PTPRD: variants seen among roughly 807,000 people sequenced by gnomAD.
The protein encoded by PTPRD is protein tyrosine phosphatase receptor type D.
In PTPRD, 34 loss-of-function variants were observed where a neutral mutation model predicts 214.5. The ratio of observed to expected loss-of-function variants is 0.16; its 90% CI spans 0.12 to 0.21. PTPRD has a LOEUF of 0.21. Among genes scored for constraint, PTPRD ranks in the 10% least tolerant of loss-of-function variants. PTPRD has a pLI of 1.00. For missense variants in PTPRD, 2,545 were observed against 2,398.7 expected (o/e 1.06, Z -1.27); for synonymous variants, 1,128 against 845.7 (o/e 1.33, Z -5.79).
At chr9:9,581,668 T>C (rs990689441) in intron 7 of PTPRD, among the ~76,000 whole-genome samples, 1 of 152,016 alleles carries the variant, frequency 6.6e-6, no homozygotes, top group Non-Finnish European at 1.5e-5. Context: ...GGTGTTAGAG[T>C]TTACCTTATC....
chr9:8,849,856 T>A (rs1465839006), intron 11 of PTPRD, among the ~76,000 whole-genome samples: 2 of 152,078 alleles, frequency 1.3e-5, no homozygotes, highest in Non-Finnish European at 2.9e-5. Context: ...TTGAGCAAGT[T>A]TGCCTTTCAT....
At chr9:9,085,857 T>C (rs1008354251) in intron 10 of PTPRD, among the ~76,000 whole-genome samples, 2 of 152,162 alleles carry the variant, frequency 1.3e-5, no homozygotes, top group Non-Finnish European at 1.5e-5. Flanking sequence ...TCTAGAGAAG[T>C]CTTCCGCTCA....
intron 11 of PTPRD, among the ~76,000 whole-genome samples, chr9:8,908,091 C>T (rs879378664): frequency 6.6e-6 from 1 of 152,072 alleles, no homozygotes. Context: ...AGCAGCAGCA[C>T]AATTAATAGC....
intron 10 of PTPRD, among the ~76,000 whole-genome samples, chr9:9,083,222 G>C (rs1256396571): frequency 6.6e-6 from 1 of 152,096 alleles, no homozygotes; most frequent in Non-Finnish European, 1.5e-5. Flanking sequence ...CAATGGAACA[G>C]AACCCAGGCC....
At chr9:8,685,355 T>TG in intron 12 of PTPRD, among the ~76,000 whole-genome samples, 1 of 151,902 alleles carries the variant, frequency 6.6e-6, no homozygotes. Context: ...GTCAGAATTT[T>TG]GGGGAAAAAA....
At chr9:8,535,412 C>A (rs553485228) in intron 14 of PTPRD, among the ~76,000 whole-genome samples, 41 of 152,002 alleles carry the variant, frequency 2.7e-4, no homozygotes, top group African/African-American at 9.4e-4. Flanking sequence ...TCCCTTTGAA[C>A]AAGATTTTAG....
intron 12 of PTPRD, among the ~76,000 whole-genome samples, chr9:8,699,687 A>C (rs2098027269): frequency 6.6e-6 from 1 of 152,188 alleles, no homozygotes; most frequent in Admixed American, 6.5e-5. Flanking sequence ...AAGTTGTAAA[A>C]AATTAATTCT....
chr9:9,037,234 C>T (rs907975247), intron 10 of PTPRD, among the ~76,000 whole-genome samples: 1 of 152,066 alleles, frequency 6.6e-6, no homozygotes, highest in African/African-American at 2.4e-5. Flanking sequence ...AGTCCAAATC[C>T]TCCATTTTAT....
chr9:10,024,587 C>T (rs565506459), intron 4 of PTPRD, among the ~76,000 whole-genome samples: 1 of 152,078 alleles, frequency 6.6e-6, no homozygotes, highest in East Asian at 1.9e-4. Context: ...CAATTTTGTC[C>T]AAATCCTTCA....
chr9:9,286,933 T>C (rs892348943), intron 9 of PTPRD, among the ~76,000 whole-genome samples: 3 of 107,282 alleles, frequency 2.8e-5, no homozygotes, highest in Non-Finnish European at 3.7e-5. Context: ...TATATATATA[T>C]ATTTGTCTTT....
chr9:10,135,099 G>A (rs1235025446), intron 3 of PTPRD, among the ~76,000 whole-genome samples: 1 of 152,070 alleles, frequency 6.6e-6, no homozygotes, highest in African/African-American at 2.4e-5. Flanking sequence ...AATTAATAAT[G>A]GAATAGACCA....
At chr9:9,357,245 C>A (rs1031470787) in intron 9 of PTPRD, among the ~76,000 whole-genome samples, 21 of 151,338 alleles carry the variant, frequency 1.4e-4, no homozygotes, top group Non-Finnish European at 1.9e-4. Flanking sequence ...GGATGATGTG[C>A]ACTAAGTGTC....
intron 5 of PTPRD, among the ~76,000 whole-genome samples, chr9:9,816,817 T>A (rs1317090058): frequency 6.6e-6 from 1 of 152,020 alleles, no homozygotes. Flanking sequence ...CCTTCAATAG[T>A]AAGAGCTGGA....
intron 7 of PTPRD, among the ~76,000 whole-genome samples, chr9:9,636,455 T>G (rs2095770103): frequency 6.6e-6 from 1 of 152,140 alleles, no homozygotes; most frequent in African/African-American, 2.4e-5. Flanking sequence ...AACATATAGA[T>G]ATAGATGTAG....
intron 11 of PTPRD, among the ~76,000 whole-genome samples, chr9:8,905,643 T>C (rs2098702448): frequency 6.7e-6 from 1 of 149,080 alleles, no homozygotes; most frequent in Admixed American, 6.7e-5. Flanking sequence ...AGAGGCTGAG[T>C]CAGGAGAATC....
At chr9:9,856,245 G>C (rs572456912) in intron 5 of PTPRD, among the ~76,000 whole-genome samples, 1 of 152,254 alleles carries the variant, frequency 6.6e-6, no homozygotes, top group South Asian at 2.1e-4. Context: ...CTCTCTGCCA[G>C]ATGAGCTTAG....
intron 39 of PTPRD, among the ~76,000 whole-genome samples, chr9:8,367,300 T>C (rs757145361): frequency 7.9e-5 from 12 of 152,168 alleles, no homozygotes; most frequent in East Asian, 7.7e-4. Flanking sequence ...AATTAAAAAT[T>C]AGTTTTATTA....
chr9:8,470,953 T>G (rs746370768), intron 31 of PTPRD, 42 bp downstream of exon 31: 6 of 1,552,782 alleles, frequency 3.9e-6, no homozygotes, highest in Non-Finnish European at 5.3e-6. Flanking sequence ...TGCAGCAGAT[T>G]AAATAACGAA....
chr9:9,380,646 A>T lies in PTPRD; in HGVS notation c.-203+16803T>A, dbSNP rs114488309. On this transcript the variant is annotated intron_variant, in intron 9 of 45. Coordinates refer to ENST00000381196, the MANE Select transcript of PTPRD (RefSeq NM_002839.4). ...AATGTTCCATGTGAGTTTGAGAAGA[A>T]TTTTTTTTGCCATTGTTGGATGAAG... 2.9e-3 allele frequency among the ~76,000 whole-genome samples: 436 copies of T among 152,016 alleles called. 1 individual carries two copies. The highest frequency in any genetic ancestry group is 9.4e-3 in the African/African-American group (389 of 41,502).
Sources: allele counts gnomAD v4.1 joint callset (sites outside exome capture counted in the v4.1 genomes callset), GRCh38; gene constraint gnomAD v4.1.1; transcripts MANE v1.5; gene names NCBI Gene and HGNC (gene_info 2026-07-23, HGNC 2026-07-21).